Variants in CAMTA1 observed in about 807,000 individuals in gnomAD.
CAMTA1 encodes calmodulin-binding transcription activator 1.
Under a neutral mutation model 170.9 loss-of-function variants are expected in CAMTA1, and 27 were observed. That is an observed-to-expected ratio of 0.16 (90% CI 0.12 to 0.22). The LOEUF (loss-of-function observed/expected upper bound fraction) is 0.22. CAMTA1 is among the 10% of genes least tolerant of loss of function. CAMTA1 has a pLI of 1.00. For synonymous variants in CAMTA1, 833 were observed against 891.5 expected, an observed-to-expected ratio of 0.93 and a Z score of 1.17; for missense variants, 1,619 against 2,217.2, an observed-to-expected ratio of 0.73 and a Z score of 5.42.
At chr1:7,542,505 G>A (rs954686466) in intron 6 of CAMTA1, among the ~76,000 whole-genome samples, 1 of 151,572 alleles carries the variant, frequency 6.6e-6, no homozygotes, top group African/African-American at 2.4e-5. Flanking sequence ...GCGTGATCTC[G>A]GCTCACTGCA....
In CAMTA1 at chr1:7,664,720, G is replaced by C; in HGVS notation, c.2173G>C (p.Gly725Arg). The change falls in exon 9 of 23, where the codon GGG becomes CGG. Residue 725 changes from glycine (G) to arginine (R), a missense_variant. Physicochemically the swap from Gly to Arg is moderately radical, Grantham distance 125. Transcript: ENST00000303635. ...GCACTACCTGCAGCCGGAGACCAAC[G>C]GGGTAATCCGAAGCGCCGGCGGCGT... ...SEHYLQPETN[G>R]VIRSAGGVPI... 2 of 1,608,484 alleles carry C rather than the reference G, an allele frequency of 1.2e-6. No homozygotes were observed. The highest frequency in any genetic ancestry group is 1.7e-6 in the Non-Finnish European group (2 of 1,176,380).
intron 4 of CAMTA1, among the ~76,000 whole-genome samples, chr1:7,205,458 T>G (rs909602215): frequency 6.6e-6 from 1 of 152,328 alleles, no homozygotes; most frequent in South Asian, 2.1e-4. Context: ...CCATTTTTTC[T>G]TCATGTATTT....
chr1:7,717,313 TACTCC>T (rs2096617846), intron 11 of CAMTA1, among the ~76,000 whole-genome samples: 2 of 152,202 alleles, frequency 1.3e-5, no homozygotes, highest in African/African-American at 4.8e-5. Context: ...TGAACAAATG[TACTCC>T]AAAGTACATT....
intron 6 of CAMTA1, among the ~76,000 whole-genome samples, chr1:7,473,336 A>G (rs948211660): frequency 6.6e-6 from 1 of 152,232 alleles, no homozygotes; most frequent in African/African-American, 2.4e-5. Flanking sequence ...CTTTTGGCCC[A>G]TAGGAGGAAC....
chr1:7,630,363 AT>A (rs773340023), intron 6 of CAMTA1, among the ~76,000 whole-genome samples: 40 of 152,030 alleles, frequency 2.6e-4, no homozygotes, highest in Non-Finnish European at 5.4e-4. Flanking sequence ...TGTGCCCAGG[AT>A]TGTGTCAGGC....
At chr1:7,519,007 A>G (rs1028991204) in intron 6 of CAMTA1, among the ~76,000 whole-genome samples, 5 of 152,022 alleles carry the variant, frequency 3.3e-5, no homozygotes, top group Non-Finnish European at 5.9e-5. Flanking sequence ...GCAGTTCTCA[A>G]GGAAATCTTC....
At position 7,562,693 on chromosome 1, in the gene CAMTA1, G is replaced by A. The variant is rs1325245812; in HGVS notation, c.511-77707G>A. Among the ~76,000 whole-genome samples, 1 of 152,220 alleles carries A rather than the reference G, an allele frequency of 6.6e-6. No individual in the cohort carries two copies. Among genetic ancestry groups the A allele is most frequent in the African/African-American group, 2.4e-5 (1 of 41,456 alleles). ...CTCAGATGGTTTATCTGACCCCGCAGCTGGCACGGAGATGCTGGGAGAAGG... is the reference window on the plus strand; with the variant it reads ...CTCAGATGGTTTATCTGACCCCGCAACTGGCACGGAGATGCTGGGAGAAGG... On this transcript the variant is annotated intron_variant, in intron 6 of 22. Transcript: ENST00000303635. This position sits in a 1 kb window ranked among gnomAD's most constrained non-coding sequence, Gnocchi z 4.8.
intron 3 of CAMTA1, among the ~76,000 whole-genome samples, chr1:6,929,356 T>G (rs111677930): frequency 0.2 from 30,557 of 150,070 alleles, 3,441 homozygotes; most frequent in Admixed American, 0.34. Flanking sequence ...ATTTTTTTTT[T>G]TTTGTTTGTT....
intron 3 of CAMTA1, among the ~76,000 whole-genome samples, chr1:7,002,897 T>G (rs1181804103): frequency 2.0e-5 from 3 of 151,972 alleles, no homozygotes; most frequent in African/African-American, 7.3e-5. Flanking sequence ...CCCTAAGCGC[T>G]CCCCAAACCT....
intron 6 of CAMTA1, among the ~76,000 whole-genome samples, chr1:7,554,342 G>A (rs1412338589): frequency 6.6e-6 from 1 of 152,104 alleles, no homozygotes; most frequent in Non-Finnish European, 1.5e-5. Flanking sequence ...CCTAGTATGT[G>A]CCAAATGCTG....
At position 7,234,599 on chromosome 1, in the gene CAMTA1, A is replaced by G. The variant is rs1339756697; in HGVS notation, c.303-14892A>G. On this transcript the variant is annotated intron_variant, in intron 4 of 22. Transcript: ENST00000303635. The surrounding 1 kb of genome is among the most constrained non-coding windows in gnomAD (Gnocchi z 5.0). ...CAGTGAACGTCAGCGTAGAGTTTCAAGCCGAGGCCCTGGGAGCCCTGGGAA... is the reference window on the plus strand; with the variant it reads ...CAGTGAACGTCAGCGTAGAGTTTCAGGCCGAGGCCCTGGGAGCCCTGGGAA... 2.0e-5 allele frequency among the ~76,000 whole-genome samples: 3 copies of G among 152,274 alleles called. No individual in the cohort carries two copies. The highest frequency in any genetic ancestry group is 7.2e-5 in the African/African-American group (3 of 41,554).
intron 6 of CAMTA1, among the ~76,000 whole-genome samples, chr1:7,507,287 G>A (rs145973458): frequency 6.6e-6 from 1 of 152,164 alleles, no homozygotes; most frequent in Non-Finnish European, 1.5e-5. Context: ...TTTTGCACAC[G>A]GCTGCACACA....
At chr1:7,405,699 G>A (rs2090235680) in intron 5 of CAMTA1, among the ~76,000 whole-genome samples, 1 of 152,012 alleles carries the variant, frequency 6.6e-6, no homozygotes, top group Non-Finnish European at 1.5e-5. Flanking sequence ...TTGAACATGT[G>A]AGTTATTTTT....
At chr1:7,536,126 A>G (rs1314885797) in intron 6 of CAMTA1, among the ~76,000 whole-genome samples, 2 of 151,910 alleles carry the variant, frequency 1.3e-5, no homozygotes, top group East Asian at 3.9e-4. Flanking sequence ...GGCAGCCCCC[A>G]GAGGTGACAT....
intron 4 of CAMTA1, among the ~76,000 whole-genome samples, chr1:7,225,909 G>A (rs891075090): frequency 6.6e-6 from 1 of 152,078 alleles, no homozygotes; most frequent in African/African-American, 2.4e-5. Flanking sequence ...GAACCTTTCC[G>A]AGCCACTGAT....
intron 5 of CAMTA1, among the ~76,000 whole-genome samples, chr1:7,336,480 G>A (rs2083390419): frequency 2.0e-5 from 3 of 152,200 alleles, no homozygotes; most frequent in South Asian, 2.1e-4. Flanking sequence ...CTTCCAGAAC[G>A]GAGCAAGTTT....
intron 6 of CAMTA1, among the ~76,000 whole-genome samples, chr1:7,577,847 C>T (rs961640473): frequency 1.3e-5 from 2 of 152,122 alleles, no homozygotes; most frequent in Non-Finnish European, 2.9e-5. Flanking sequence ...ACTTTATTTA[C>T]AAAAATAGAT....
At chr1:7,021,742 C>T (rs1701386270) in intron 3 of CAMTA1, among the ~76,000 whole-genome samples, 1 of 152,156 alleles carries the variant, frequency 6.6e-6, no homozygotes, top group Non-Finnish European at 1.5e-5. Context: ...TATTTAAAAT[C>T]CCCCACTCAT....
intron 22 of CAMTA1, among the ~76,000 whole-genome samples, chr1:7,765,188 A>G (rs75499366): frequency 0.04 from 6,106 of 152,218 alleles, 576 homozygotes; most frequent in East Asian, 0.27. Flanking sequence ...ATGTTATTAT[A>G]TGGTATGCAG....
Sources: allele counts gnomAD v4.1 joint callset (sites outside exome capture counted in the v4.1 genomes callset), GRCh38; gene constraint gnomAD v4.1.1; non-coding constraint Gnocchi (gnomAD v3.1); transcripts MANE v1.5; gene names NCBI Gene and HGNC (gene_info 2026-07-23, HGNC 2026-07-21).